DOCK8: variants seen among roughly 807,000 people sequenced by gnomAD.
The protein encoded by DOCK8 is dedicator of cytokinesis protein 8.
DOCK8 carries 141 observed loss-of-function variants against 245.6 expected under a neutral mutation model. The ratio of observed to expected loss-of-function variants is 0.57; its 90% CI spans 0.50 to 0.66. The LOEUF (loss-of-function observed/expected upper bound fraction) is 0.66. DOCK8 is among the 30% of genes least tolerant of loss of function. The pLI is 0.00. For synonymous variants in DOCK8, 1,168 were observed against 970.2 expected (o/e 1.20, Z -3.79); for missense variants, 2,965 against 2,603.4 (o/e 1.14, Z -3.02).
At chr9:272,604 C>G (rs753236317) in intron 2 of DOCK8, among the ~76,000 whole-genome samples, 1 of 152,110 alleles carries the variant, frequency 6.6e-6, no homozygotes, top group Non-Finnish European at 1.5e-5. Flanking sequence ...CCAGGCTGGT[C>G]TTGAACTCCT....
chr9:378,879 C>G (rs955716504), intron 20 of DOCK8, among the ~76,000 whole-genome samples: 2 of 152,238 alleles, frequency 1.3e-5, no homozygotes, highest in African/African-American at 4.8e-5. Context: ...AGGATTCCAG[C>G]TTTCACAGAC....
chr9:402,836 T>A (rs2055175404), intron 26 of DOCK8, among the ~76,000 whole-genome samples: 1 of 152,200 alleles, frequency 6.6e-6, no homozygotes, highest in South Asian at 2.1e-4. Context: ...AAGGAAGTTT[T>A]TGGAATGCAC....
Position 386,353 on chromosome 9 carries a change from G to C in DOCK8, c.2801G>C (p.Arg934Pro). The change falls in exon 23 of 48, where the codon CGA (arginine) becomes CCA (proline). Residue 934 changes from arginine (R) to proline (P), a missense_variant. Arg to Pro is a moderately radical substitution (Grantham distance 103). Around this residue, in one of 3 missense-constraint regions of DOCK8, gnomAD observed 2,825 missense variants for 2,453.5 expected, o/e 1.15. Coordinates refer to ENST00000432829, the MANE Select transcript of DOCK8 (RefSeq NM_203447.4). ...TAGATCGCCGATCGCAACTGCAGCC[G>C]AATGTCTTACTATTGCTCTGGCAGT... The part of the protein sequence containing the change: ...SSKIADRNCS[R>P]MSYYCSGSSD... 2 of 1,613,788 alleles carry C rather than the reference G, an allele frequency of 1.2e-6. No individual in the cohort carries two copies. The highest frequency in any genetic ancestry group is 8.5e-7 in the Non-Finnish European group (1 of 1,179,816).
chr9:325,678 A>T lies in DOCK8; in HGVS notation c.835A>T (p.Ile279Phe), dbSNP rs757116203. The T allele has an allele frequency of 1.2e-6, 2 of 1,613,834 alleles. No individual in the cohort carries two copies. The highest frequency in any genetic ancestry group is 1.7e-6 in the Non-Finnish European group (2 of 1,179,836). The change falls in exon 8 of 48, where the codon ATT becomes TTT. Residue 279 changes from isoleucine (I) to phenylalanine (F), a missense_variant. Coordinates refer to ENST00000432829, the MANE Select transcript of DOCK8 (RefSeq NM_203447.4). The part of the protein sequence containing the change: ...LVKLLTLKFE[I>F]EIEPLFASIA... Reference sequence around the variant, plus strand: ...CCTCTCTTTCTATGGTAGGTTCGAGATTGAAATTGAGCCCCTGTTTGCCAG... The same window carrying T: ...CCTCTCTTTCTATGGTAGGTTCGAGTTTGAAATTGAGCCCCTGTTTGCCAG...
intron 15 of DOCK8, chr9:369,882 A>G (rs1006730860): frequency 6.1e-6 from 2 of 326,182 alleles, no homozygotes; most frequent in African/African-American, 4.3e-5. Flanking sequence ...ACTCACTGCA[A>G]CCTCTGCTTC....
At chr9:354,713 G>C (rs1887529) in intron 14 of DOCK8, among the ~76,000 whole-genome samples, 117,252 of 152,118 alleles carry the variant, frequency 0.77, 46,241 homozygotes, top group South Asian at 0.88. Context: ...GGCTGAGGGC[G>C]TCGGTTCCTC....
intron 46 of DOCK8, among the ~76,000 whole-genome samples, chr9:453,897 G>A (rs1231423513): frequency 6.6e-6 from 1 of 152,090 alleles, no homozygotes; most frequent in African/African-American, 2.4e-5. Context: ...ACCTCTAAAA[G>A]GACCTATGAA....
chr9:291,060 A>T (rs2049017930), intron 4 of DOCK8, among the ~76,000 whole-genome samples: 1 of 152,210 alleles, frequency 6.6e-6, no homozygotes, highest in South Asian at 2.1e-4. Flanking sequence ...TGCTGATAAT[A>T]AATAAAAGAT....
At chr9:252,826 C>A (rs911140824) in intron 1 of DOCK8, among the ~76,000 whole-genome samples, 2 of 151,504 alleles carry the variant, frequency 1.3e-5, no homozygotes, top group African/African-American at 4.8e-5. Context: ...ATGTATACTT[C>A]TTCACATCAA....
At chr9:440,620 T>C (rs1294929414) in intron 40 of DOCK8, among the ~76,000 whole-genome samples, 1 of 152,256 alleles carries the variant, frequency 6.6e-6, no homozygotes, top group Non-Finnish European at 1.5e-5. Flanking sequence ...GGCATACATT[T>C]AGCATCTGGC....
chr9:229,924 T>C (rs1334478404), intron 1 of DOCK8, among the ~76,000 whole-genome samples: 2 of 151,970 alleles, frequency 1.3e-5, no homozygotes, highest in African/African-American at 4.8e-5. Flanking sequence ...ATTATTATAC[T>C]TTAAGTTTTA....
upstream of DOCK8, chr9:214,301 C>T: frequency 1.8e-6 from 1 of 557,660 alleles, no homozygotes. Context: ...AAAGCATTCA[C>T]GCCAGGTTGT....
At chr9:223,034 A>C (rs928518557) in intron 1 of DOCK8, among the ~76,000 whole-genome samples, 1 of 152,198 alleles carries the variant, frequency 6.6e-6, no homozygotes, top group East Asian at 1.9e-4. Flanking sequence ...CCTCTTTCAT[A>C]CTTTTTTTTT....
At chr9:433,625 G>C (rs2056793766) in intron 37 of DOCK8, among the ~76,000 whole-genome samples, 1 of 152,200 alleles carries the variant, frequency 6.6e-6, no homozygotes, top group South Asian at 2.1e-4. Flanking sequence ...AAATGTTGGA[G>C]ATAGAGATAG....
At chr9:430,643 C>CT (rs199930147) in intron 36 of DOCK8, among the ~76,000 whole-genome samples, 2,230 of 148,558 alleles carry the variant, frequency 0.015, 54 homozygotes, top group African/African-American at 0.052. Flanking sequence ...GATTGTGCCA[C>CT]TGTATTCCAG....
chr9:285,678 A>G (rs1177707942), intron 2 of DOCK8, among the ~76,000 whole-genome samples: 1 of 152,222 alleles, frequency 6.6e-6, no homozygotes, highest in East Asian at 1.9e-4. Flanking sequence ...ATCAATTATA[A>G]GAATTGTTTT....
chr9:421,978 T>A (rs2056297308), intron 32 of DOCK8, 70 bp from the exon 33 acceptor site: 1 of 1,344,198 alleles, frequency 7.4e-7, no homozygotes, highest in African/African-American at 1.4e-5. Flanking sequence ...TTGAGCTTGT[T>A]ATGAACTTCT....
At chr9:450,460 C>A (rs1464843912) in intron 45 of DOCK8, among the ~76,000 whole-genome samples, 3 of 152,176 alleles carry the variant, frequency 2.0e-5, no homozygotes, top group African/African-American at 4.8e-5. Flanking sequence ...TATCAGACTT[C>A]TTAGAACGCT....
At chr9:382,376 T>A in intron 21 of DOCK8, 137 bp from the exon 22 acceptor site, 1 of 1,221,400 alleles carries the variant, frequency 8.2e-7, no homozygotes, top group Non-Finnish European at 1.2e-6. Flanking sequence ...CCAACCAGGA[T>A]TTGTTAAGAA....
Sources: allele counts gnomAD v4.1 joint callset (sites outside exome capture counted in the v4.1 genomes callset), GRCh38; gene constraint gnomAD v4.1.1; regional missense constraint gnomAD v4.1.1; transcripts MANE v1.5; gene names NCBI Gene and HGNC (gene_info 2026-07-23, HGNC 2026-07-21).